Variants in TBC1D15 observed in about 807,000 individuals in gnomAD.
TBC1D15 encodes the protein TBC1 domain family member 15, also known as GAP for RAB7.
Under a neutral mutation model 95.4 loss-of-function variants are expected in TBC1D15, and 39 were observed. The observed-to-expected ratio is 0.41, with a 90% CI of 0.32 to 0.53. The LOEUF is 0.53. Ranked by LOEUF, TBC1D15 falls within the 20% of genes least tolerant of loss-of-function variation. The pLI, the probability that TBC1D15 is intolerant of heterozygous loss-of-function variation, is 0.29. For missense variants in TBC1D15, 733 were observed against 794.3 expected (o/e 0.92, Z 0.93); for synonymous variants, 258 against 261.3 (o/e 0.99, Z 0.12).
At chr12:71,871,892 A>G (rs1892781928) in intron 1 of TBC1D15, among the ~76,000 whole-genome samples, 178 bp from the exon 2 acceptor site, 1 of 152,230 alleles carries the variant, frequency 6.6e-6, no homozygotes, top group Non-Finnish European at 1.5e-5. Context: ...ATTCCAGTTT[A>G]TGTTTGCTTG....
Position 71,878,947 on chromosome 12 carries a change from A to G in TBC1D15, c.205-1522A>G, listed in dbSNP as rs146356916. ...CCCTACTGTTTTTCAGTCTGTTTCT[A>G]TTTCTTACATCTTAATTTTTCTTGT... On this transcript the variant is annotated intron_variant, in intron 3 of 16. Coordinates refer to ENST00000485960, the MANE Select transcript of TBC1D15 (RefSeq NM_001146213.3). Among the ~76,000 whole-genome samples the G allele has an allele frequency of 2.0e-3, 300 of 151,790 alleles. 3 individuals are homozygous for G. The highest frequency in any genetic ancestry group is 6.7e-3 in the African/African-American group (278 of 41,458).
chr12:71,856,587 CT>C (rs1309152309), intron 1 of TBC1D15, among the ~76,000 whole-genome samples: 4 of 150,914 alleles, frequency 2.7e-5, no homozygotes, highest in Non-Finnish European at 1.5e-5. Flanking sequence ...CTTTTTTTTC[CT>C]GACTTATTTT....
chr12:71,891,173 A>G (rs1280315475), intron 5 of TBC1D15, among the ~76,000 whole-genome samples: 2 of 152,202 alleles, frequency 1.3e-5, no homozygotes, highest in Non-Finnish European at 2.9e-5. Context: ...ATAGAAATAT[A>G]AAATAGTTAC....
intron 16 of TBC1D15, 145 bp downstream of exon 16, chr12:71,921,599 C>T (rs985920889): frequency 1.8e-5 from 8 of 438,782 alleles, no homozygotes; most frequent in African/African-American, 1.6e-4. Context: ...GTTTGCTGTT[C>T]TAGATTTACA....
chr12:71,895,889 C>A, intron 7 of TBC1D15, 58 bp from the exon 8 acceptor site: 1 of 1,518,798 alleles, frequency 6.6e-7, no homozygotes, highest in Non-Finnish European at 9.0e-7. Context: ...TTTCTATATG[C>A]CTTTATTTCA....
chr12:71,914,837 T>C (rs2139030229), intron 12 of TBC1D15, among the ~76,000 whole-genome samples: 1 of 152,146 alleles, frequency 6.6e-6, no homozygotes, highest in African/African-American at 2.4e-5. Flanking sequence ...ACCCTTCTCC[T>C]TTTTTCTTTA....
At chr12:71,844,520 G>A (rs772909030) in intron 1 of TBC1D15, among the ~76,000 whole-genome samples, 1 of 152,160 alleles carries the variant, frequency 6.6e-6, no homozygotes, top group Non-Finnish European at 1.5e-5. Flanking sequence ...GTCGCTCTAA[G>A]TAAGTTTTCC....
At chr12:71,883,923 T>G (rs1327609297) in intron 4 of TBC1D15, among the ~76,000 whole-genome samples, 2 of 152,156 alleles carry the variant, frequency 1.3e-5, no homozygotes, top group Non-Finnish European at 2.9e-5. Context: ...TTAAGTTGCT[T>G]GTTATCAATT....
chr12:71,852,270 G>C (rs1369884398), intron 1 of TBC1D15, among the ~76,000 whole-genome samples: 1 of 152,200 alleles, frequency 6.6e-6, no homozygotes, highest in Non-Finnish European at 1.5e-5. Context: ...GTGTCCTGAG[G>C]TTGTGCAGGG....
intron 10 of TBC1D15, among the ~76,000 whole-genome samples, chr12:71,899,028 G>A (rs1898779987): frequency 6.6e-6 from 1 of 152,100 alleles, no homozygotes; most frequent in Non-Finnish European, 1.5e-5. Context: ...TTCAGTTTCA[G>A]TAGGAAAAAC....
At position 71,897,932 on chromosome 12, in the gene TBC1D15, A is replaced by C; in HGVS notation, c.1174A>C (p.Ser392Arg). Residue 392 changes from serine to arginine, a missense_variant, in exon 10 of 17, where the codon AGT (serine) becomes CGT (arginine). Transcript: ENST00000485960. ...KRNSRLRDYR[S>R]LIEKDVNRTD... ...AAATTCGAGGTTAAGAGATTATAGAAGTCTTATCGGTAATTTTTTCTTAAC... is the reference window on the plus strand; with the variant it reads ...AAATTCGAGGTTAAGAGATTATAGACGTCTTATCGGTAATTTTTTCTTAAC... The C allele has an allele frequency of 6.2e-7, 1 of 1,611,370 alleles. No homozygotes were observed. The highest frequency in any genetic ancestry group is 8.5e-7 in the Non-Finnish European group (1 of 1,178,270).
chr12:71,906,678 C>T (rs564333700), intron 10 of TBC1D15, among the ~76,000 whole-genome samples: 2 of 150,666 alleles, frequency 1.3e-5, no homozygotes, highest in Non-Finnish European at 3.0e-5. Flanking sequence ...CTATGACATG[C>T]ATTAATGACT....
rs545982491 is a variant in TBC1D15 at position 71,923,938 on chromosome 12, G to A, written c.*734G>A. 1.3e-5 allele frequency: 2 copies of A among 152,596 alleles called. No homozygotes were observed. Among genetic ancestry groups the A allele is most frequent in the African/African-American group, 4.8e-5 (2 of 41,566 alleles). 9.5% of individuals were successfully genotyped at this position (152,596 alleles called of 1,614,324 possible). A position where few individuals can be genotyped will look rare whatever the true frequency, so the allele number is the denominator to read the frequency against. Reference sequence around the variant, plus strand: ...TCAAAATTTAACATGGCTTCAGTATGAGATCTTTTTCAAAACTATTTTCTT... The same window carrying A: ...TCAAAATTTAACATGGCTTCAGTATAAGATCTTTTTCAAAACTATTTTCTT... On this transcript the variant is annotated 3_prime_UTR_variant, in exon 17 of 17. Coordinates refer to ENST00000485960, the MANE Select transcript of TBC1D15 (RefSeq NM_001146213.3).
chr12:71,891,684 C>T (rs1043159217), intron 5 of TBC1D15, among the ~76,000 whole-genome samples: 4 of 152,016 alleles, frequency 2.6e-5, no homozygotes, highest in African/African-American at 9.7e-5. Context: ...GCTTCCTCCA[C>T]CCTCCATCAC....
rs1476763508 is a variant in TBC1D15 at position 71,923,691 on chromosome 12, T to C, written c.*487T>C. 6.5e-6 allele frequency: 1 copy of C among 154,110 alleles called. No homozygotes were observed. The highest frequency in any genetic ancestry group is 2.4e-5 in the African/African-American group (1 of 41,476). 9.5% of individuals were successfully genotyped at this position (154,110 alleles called of 1,614,324 possible). A position where few individuals can be genotyped will look rare whatever the true frequency, so the allele number is the denominator to read the frequency against. The stretch of plus-strand genomic sequence containing the variant: ...CGACAGTACTCAGCTTAAATATTTA[T>C]GCTGGTCAAATGTGATTTAAATTGG... On this transcript the variant is annotated 3_prime_UTR_variant, in exon 17 of 17. Transcript: ENST00000485960.
At chr12:71,919,207 T>G (rs1437361344) in intron 14 of TBC1D15, among the ~76,000 whole-genome samples, 1 of 150,878 alleles carries the variant, frequency 6.6e-6, no homozygotes, top group Non-Finnish European at 1.5e-5. Flanking sequence ...TGTGCTTTTT[T>G]TTTTTTTTTT....
intron 10 of TBC1D15, among the ~76,000 whole-genome samples, chr12:71,903,866 G>A (rs1238492586): frequency 6.6e-6 from 1 of 152,162 alleles, no homozygotes; most frequent in African/African-American, 2.4e-5. Flanking sequence ...GTGAAGGGTG[G>A]TAGGAGGGTG....
intron 10 of TBC1D15, among the ~76,000 whole-genome samples, chr12:71,903,900 G>A (rs1900046345): frequency 6.6e-6 from 1 of 152,158 alleles, no homozygotes; most frequent in African/African-American, 2.4e-5. Flanking sequence ...TACATATTGG[G>A]TGTTATGCTC....
At chr12:71,911,349 A>G (rs1460671946) in intron 11 of TBC1D15, among the ~76,000 whole-genome samples, 2 of 152,064 alleles carry the variant, frequency 1.3e-5, no homozygotes, top group African/African-American at 2.4e-5. Flanking sequence ...CACTATTCAC[A>G]ATAGCAAAGA....
Sources: allele counts gnomAD v4.1 joint callset (sites outside exome capture counted in the v4.1 genomes callset), GRCh38; gene constraint gnomAD v4.1.1; transcripts MANE v1.5; gene names NCBI Gene and HGNC (gene_info 2026-07-23, HGNC 2026-07-21).